Variants in PODXL observed in about 807,000 individuals in gnomAD.
PODXL encodes podocalyxin like, also known as podocalyxin.
Under a neutral mutation model 48.9 loss-of-function variants are expected in PODXL, and 20 were observed. That is an observed-to-expected ratio of 0.41 (90% CI 0.29 to 0.59). PODXL has a LOEUF of 0.59. PODXL is among the 20% of genes least tolerant of loss of function. PODXL has a pLI of 0.31. For missense variants in PODXL, 606 were observed against 675.1 expected, an observed-to-expected ratio of 0.90 and a Z score of 1.13; for synonymous variants, 295 against 287.4, an observed-to-expected ratio of 1.03 and a Z score of -0.27.
rs140716853 is a variant in PODXL, at chr7:131,511,201, G to T, written c.333C>A (p.Gly111=). The T allele has an allele frequency of 1.2e-6, 2 of 1,614,042 alleles. No individual in the cohort carries two copies. The highest frequency in any genetic ancestry group is 2.2e-5 in the South Asian group (2 of 91,056). The change falls in exon 2 of 9, where the codon GGC becomes GGA. Residue 111 remains glycine (G), a synonymous_variant. Coordinates refer to ENST00000378555, the MANE Select transcript of PODXL (RefSeq NM_001018111.3). ...GPVNTTVARG[G]GSGNPTTTIE... Reference sequence around the variant, plus strand: ...TGGTGGTAGTAGGGTTGCCTGAGCCGCCTCCTCTAGCCACGGTAGTGTTGA... The same window carrying T: ...TGGTGGTAGTAGGGTTGCCTGAGCCTCCTCCTCTAGCCACGGTAGTGTTGA...
intron 1 of PODXL, among the ~76,000 whole-genome samples, chr7:131,553,333 C>G (rs12666248): frequency 0.19 from 28,603 of 152,146 alleles, 3,484 homozygotes; most frequent in Admixed American, 0.35. Flanking sequence ...ATCTTATACT[C>G]TTTTCCATAT....
At chr7:131,541,801 A>G (rs1266296836) in intron 1 of PODXL, among the ~76,000 whole-genome samples, 1 of 152,174 alleles carries the variant, frequency 6.6e-6, no homozygotes, top group Non-Finnish European at 1.5e-5. Context: ...AACAAAGCCA[A>G]GTCATCATGG....
rs140177827 is a variant in PODXL at position 131,529,298 on chromosome 7, C to T, written c.101-17865G>A. On this transcript the variant is annotated intron_variant, in intron 1 of 8. Coordinates refer to ENST00000378555, the MANE Select transcript of PODXL (RefSeq NM_001018111.3). ...TTGAAGCCTGTGTTGAATGAGTTAA[C>T]GCAGTGCCAGCTCCCCCGGGGGCCA... Among the ~76,000 whole-genome samples the T allele has an allele frequency of 2.7e-3, 407 of 152,144 alleles. 3 individuals carry two copies. Among genetic ancestry groups the T allele is most frequent in the Middle Eastern group, 6.8e-3 (2 of 294 alleles).
chr7:131,527,427 G>A (rs1392513359), intron 1 of PODXL, among the ~76,000 whole-genome samples: 2 of 152,232 alleles, frequency 1.3e-5, no homozygotes, highest in East Asian at 1.9e-4. Context: ...GGATTTAACA[G>A]TAAGTTTAGA....
chr7:131,516,255 T>A (rs1477621116), intron 1 of PODXL, among the ~76,000 whole-genome samples: 1 of 152,168 alleles, frequency 6.6e-6, no homozygotes, highest in Admixed American at 6.5e-5. Flanking sequence ...GAAATGAAAG[T>A]CTTGGCTGGG....
intron 1 of PODXL, among the ~76,000 whole-genome samples, chr7:131,515,682 C>T (rs188964575): frequency 1.5e-4 from 23 of 152,148 alleles, no homozygotes; most frequent in East Asian, 1.2e-3. Context: ...GGATTACAGA[C>T]GTGAGCCACC....
At chr7:131,524,045 C>A (rs113014485) in intron 1 of PODXL, among the ~76,000 whole-genome samples, 1 of 151,972 alleles carries the variant, frequency 6.6e-6, no homozygotes, top group African/African-American at 2.4e-5. Context: ...GCAATCCACC[C>A]GCCTGGACCT....
intron 2 of PODXL, among the ~76,000 whole-genome samples, 169 bp downstream of exon 2, chr7:131,510,659 A>AGTTTGTATTT (rs1797896051): frequency 6.6e-6 from 1 of 151,938 alleles, no homozygotes; most frequent in Admixed American, 6.6e-5. Context: ...TTTAGTAGAG[A>AGTTTGTATTT]CAGGGTTTCG....
chr7:131,508,898 C>T, intron 5 of PODXL, 53 bp downstream of exon 5: 1 of 1,250,468 alleles, frequency 8.0e-7, no homozygotes, highest in Middle Eastern at 1.9e-4. Context: ...CTCTCCCTCC[C>T]TCAGCCCTGC....
intron 1 of PODXL, among the ~76,000 whole-genome samples, chr7:131,537,085 C>T (rs1239082123): frequency 2.0e-5 from 3 of 152,084 alleles, no homozygotes; most frequent in Non-Finnish European, 4.4e-5. Context: ...ATAATTGCGC[C>T]ACTGCACTCC....
In PODXL at chr7:131,506,610, C is replaced by T. The variant is rs753226377; in HGVS notation, c.1218G>A (p.Gln406=). The change falls in exon 6 of 9, where the codon CAG becomes CAA. Residue 406 remains glutamine, a synonymous_variant. Coordinates refer to ENST00000378555, the MANE Select transcript of PODXL (RefSeq NM_001018111.3). Reference sequence around the variant, plus strand: ...TAGTGATTTCTTTGACGACCACGGTCTGACTTCCTGGAACAGATGCCAGCC... The same window carrying T: ...TAGTGATTTCTTTGACGACCACGGTTTGACTTCCTGGAACAGATGCCAGCC... ...GIRLASVPGS[Q]TVVVKEITIH... 1 of 1,614,206 alleles carries T rather than the reference C, an allele frequency of 6.2e-7. No homozygotes were observed. The highest frequency in any genetic ancestry group is 1.3e-5 in the African/African-American group (1 of 75,062).
Position 131,502,273 on chromosome 7 carries a change from T to C in PODXL, c.*2038A>G, listed in dbSNP as rs960215031. 1.3e-5 allele frequency: 2 copies of C among 152,170 alleles called. No individual in the cohort carries two copies. The highest frequency in any genetic ancestry group is 2.9e-5 in the Non-Finnish European group (2 of 68,054). 9.4% of individuals were successfully genotyped at this position (152,170 alleles called of 1,614,324 possible). On this transcript the variant is annotated 3_prime_UTR_variant, in exon 9 of 9. Coordinates refer to ENST00000378555, the MANE Select transcript of PODXL (RefSeq NM_001018111.3). ...AACACCTCACTCAAGCCTAACAAGA[T>C]TTCCTGTTTTCCCCCAAACAGGCAC...
chr7:131,549,187 C>T (rs188812288), intron 1 of PODXL, among the ~76,000 whole-genome samples: 4 of 151,968 alleles, frequency 2.6e-5, no homozygotes, highest in East Asian at 1.9e-4. Flanking sequence ...AGAGCAGCCC[C>T]GGTAGGCCTC....
chr7:131,556,323 G>A lies in PODXL; in HGVS notation c.37C>T (p.Leu13=). The change falls in exon 1 of 9, where the codon CTG becomes TTG. Residue 13 remains leucine, a synonymous_variant. Coordinates refer to ENST00000378555, the MANE Select transcript of PODXL (RefSeq NM_001018111.3). ...GGCAGCAGCGGCGGCGTTGACAACA[G>A]TAGCAGCAGCGCCGAGAGCGCCAGC... ...CALALSALLL[L]LSTPPLLPSS... The A allele has an allele frequency of 6.7e-7, 1 of 1,498,214 alleles. No individual in the cohort carries two copies. Among genetic ancestry groups the A allele is most frequent in the Non-Finnish European group, 8.9e-7 (1 of 1,126,566 alleles). 92.8% of individuals were successfully genotyped at this position (1,498,214 alleles called of 1,614,324 possible).
intron 1 of PODXL, among the ~76,000 whole-genome samples, chr7:131,537,612 A>G (rs906271928): frequency 3.2e-5 from 3 of 93,902 alleles, no homozygotes; most frequent in Admixed American, 2.5e-4. Context: ...CACCCCCCCA[A>G]AAAGGTGCAT....
chr7:131,510,759 C>T, intron 2 of PODXL, 69 bp downstream of exon 2: 1 of 1,590,974 alleles, frequency 6.3e-7, no homozygotes, highest in South Asian at 1.1e-5. Context: ...AGGCATGAGC[C>T]TTTTCAGAGC....
chr7:131,551,810 G>A (rs1474930846), intron 1 of PODXL, among the ~76,000 whole-genome samples: 3 of 152,024 alleles, frequency 2.0e-5, no homozygotes, highest in Non-Finnish European at 2.9e-5. Context: ...GGAGGTGGGC[G>A]CCTGTAGTCC....
At chr7:131,547,405 C>T (rs1019225888) in intron 1 of PODXL, among the ~76,000 whole-genome samples, 7 of 133,638 alleles carry the variant, frequency 5.2e-5, no homozygotes, top group East Asian at 2.4e-4. Flanking sequence ...AAAATCAACA[C>T]GTGTGGATGC....
At chr7:131,552,791 T>C (rs1033956563) in intron 1 of PODXL, among the ~76,000 whole-genome samples, 2 of 152,138 alleles carry the variant, frequency 1.3e-5, no homozygotes, top group Non-Finnish European at 2.9e-5. Context: ...CCTGGGCACC[T>C]TGTTTTTTTC....
Sources: allele counts gnomAD v4.1 joint callset (sites outside exome capture counted in the v4.1 genomes callset), GRCh38; gene constraint gnomAD v4.1.1; transcripts MANE v1.5; gene names NCBI Gene and HGNC (gene_info 2026-07-23, HGNC 2026-07-21).